UBXN2A: variants seen among roughly 807,000 people sequenced by gnomAD.
The protein encoded by UBXN2A is UBX domain-containing protein 2A.
UBXN2A carries 28 observed loss-of-function variants against 28.4 expected under a neutral mutation model. That is an observed-to-expected ratio of 0.99 (90% confidence interval 0.73 to 1.35). The LOEUF (loss-of-function observed/expected upper bound fraction) is 1.35, where lower values mean the gene tolerates loss of function less well. Among genes scored for constraint, UBXN2A ranks in the 40% most tolerant of loss-of-function variants. The probability of loss-of-function intolerance (pLI) is 0.00; values close to 1 mark genes in which losing one functional copy is unlikely to be tolerated. For missense variants in UBXN2A, 253 were observed against 297.9 expected, an observed-to-expected ratio of 0.85 and a Z score of 1.11; for synonymous variants, 97 against 103.6, an observed-to-expected ratio of 0.94 and a Z score of 0.39.
At position 23,959,446 on chromosome 2, in the gene UBXN2A, C is replaced by T. The variant is rs185796515; in HGVS notation, c.41+1091C>T. Among the ~76,000 whole-genome samples, 557 of 152,092 alleles carry T rather than the reference C, an allele frequency of 3.7e-3. 2 individuals carry two copies. The highest frequency in any genetic ancestry group is 0.01 in the Middle Eastern group (3 of 294). Reference sequence around the variant, plus strand: ...GGTGGAGGTTTCAGTGAGCCAAGACCGCACCACTGCACTCCAGCCTGGGTG... The same window carrying T: ...GGTGGAGGTTTCAGTGAGCCAAGACTGCACCACTGCACTCCAGCCTGGGTG... On this transcript the variant is annotated intron_variant, in intron 2 of 6. Coordinates refer to ENST00000309033, the MANE Select transcript of UBXN2A (RefSeq NM_181713.4).
chr2:23,974,438 C>T (rs935896022), intron 3 of UBXN2A, among the ~76,000 whole-genome samples: 8 of 149,310 alleles, frequency 5.4e-5, no homozygotes, highest in South Asian at 2.1e-4. Flanking sequence ...CTCCGCCTCC[C>T]GGGTTCACAC....
chr2:23,949,244 G>A (rs1706244845), intron 1 of UBXN2A, among the ~76,000 whole-genome samples: 1 of 150,144 alleles, frequency 6.7e-6, no homozygotes, highest in South Asian at 2.1e-4. Flanking sequence ...TTACAGGCAT[G>A]AGCCACCACA....
At chr2:23,943,090 G>A (rs1705852616) in intron 1 of UBXN2A, among the ~76,000 whole-genome samples, 1 of 151,934 alleles carries the variant, frequency 6.6e-6, no homozygotes, top group African/African-American at 2.4e-5. Flanking sequence ...CGAGTAGCTG[G>A]GATTACAGGC....
At chr2:23,938,925 A>G (rs1705620294), upstream of UBXN2A, among the ~76,000 whole-genome samples, 1 of 152,112 alleles carries the variant, frequency 6.6e-6, no homozygotes, top group Non-Finnish European at 1.5e-5. Context: ...TAATGGGATC[A>G]ATTTAACTCC....
chr2:23,958,325 T>C lies in UBXN2A; in HGVS notation c.11T>C (p.Val4Ala). 3 of 1,604,280 alleles carry C rather than the reference T, an allele frequency of 1.9e-6. No homozygotes were observed. The South Asian group carries it at 3.4e-5, about 18-fold the overall frequency. The part of the protein sequence containing the change: MKD[V>A]DNLKSIKEEW... ...GTAAGGCGAAAGAGAATGAAAGACG[T>C]AGATAACCTCAAAAGTATAAAAGAA... is the stretch of plus-strand genomic sequence containing the variant. The change falls in exon 2 of 7, where the codon GTA becomes GCA. Residue 4 changes from valine to alanine, a missense_variant. Val to Ala is a moderately conservative substitution (Grantham distance 64). Coordinates refer to ENST00000309033, the MANE Select transcript of UBXN2A (RefSeq NM_181713.4).
intron 6 of UBXN2A, among the ~76,000 whole-genome samples, chr2:23,991,315 TC>T (rs1310869286): frequency 1.3e-5 from 2 of 152,052 alleles, no homozygotes; most frequent in African/African-American, 4.8e-5. Flanking sequence ...GAAAAGATTT[TC>T]TTCGCCCATT....
rs1371693119 is a variant in UBXN2A, at chr2:23,982,960, A to G, written c.352A>G (p.Lys118Glu). Residue 118 changes from lysine to glutamate, a missense_variant, in exon 5 of 7, where the codon AAG becomes GAG. Transcript: ENST00000309033. The stretch of plus-strand genomic sequence containing the variant: ...AGAGGTGGACGTTAAAGTTGAAGAC[A>G]AGAAAAATGAAATATGTTTGTCTAC... Reference protein sequence around the residue: ...KEEVDVKVEDKKNEICLSTKP... With the variant: ...KEEVDVKVEDEKNEICLSTKP... The G allele has an allele frequency of 2.5e-6, 4 of 1,611,994 alleles. No homozygotes were observed. The highest frequency in any genetic ancestry group is 2.5e-6 in the Non-Finnish European group (3 of 1,178,816).
chr2:23,979,736 T>C (rs1334610942), intron 4 of UBXN2A, among the ~76,000 whole-genome samples: 6 of 151,894 alleles, frequency 4.0e-5, no homozygotes, highest in African/African-American at 1.5e-4. Context: ...GCCCAGCTAA[T>C]TTTTTTTAAT....
At chr2:23,928,395 G>C (rs771104151) in intron 1 of UBXN2A, among the ~76,000 whole-genome samples, 36 of 152,064 alleles carry the variant, frequency 2.4e-4, no homozygotes, top group Non-Finnish European at 4.6e-4. Flanking sequence ...GGCCAACATG[G>C]TGAAACCCCC....
chr2:23,944,114 T>C, intron 1 of UBXN2A: 1 of 766,998 alleles, frequency 1.3e-6, no homozygotes, highest in Non-Finnish European at 2.3e-6. Flanking sequence ...ATGTCAGCCC[T>C]GTTACTCCCA....
At chr2:23,940,141 G>A (rs1174879575), upstream of UBXN2A, among the ~76,000 whole-genome samples, 1 of 151,410 alleles carries the variant, frequency 6.6e-6, no homozygotes, top group Admixed American at 6.6e-5. Context: ...GTGGGTGGGG[G>A]TTTCTTCAAC....
At chr2:23,989,885 A>G (rs1437279691) in intron 6 of UBXN2A, among the ~76,000 whole-genome samples, 1 of 152,136 alleles carries the variant, frequency 6.6e-6, no homozygotes, top group African/African-American at 2.4e-5. Flanking sequence ...AGCCTGGGCA[A>G]TAGAACCAGA....
At chr2:23,973,639 CT>C (rs548688766) in intron 3 of UBXN2A, among the ~76,000 whole-genome samples, 166 of 141,442 alleles carry the variant, frequency 1.2e-3, no homozygotes, top group Admixed American at 1.3e-3. Flanking sequence ...TGTGTCCAGC[CT>C]TTTTTTTTTT....
At chr2:23,940,397 C>A (rs1192049404), upstream of UBXN2A, 9 of 145,130 alleles carry the variant, frequency 6.2e-5, no homozygotes, top group Admixed American at 1.4e-4. Context: ...CGGCAAGCCC[C>A]GCCCTCGGCG....
rs375361926 is a variant in UBXN2A at position 23,963,517 on chromosome 2, A to G, written c.41+5162A>G. On this transcript the variant is annotated intron_variant, in intron 2 of 6. Transcript: ENST00000309033. ...AAGTGGAAAAAAAGTCTGAATAGAC[A>G]TTTCTCCGAATAAGGCATACAACAG... is the stretch of plus-strand genomic sequence containing the variant. Among the ~76,000 whole-genome samples, 54 of 152,120 alleles carry G rather than the reference A, an allele frequency of 3.5e-4. 1 individual carries two copies. The South Asian group carries it at 6.9e-3, about 19-fold the overall frequency.
At chr2:23,996,909 G>A (rs1314428334) in intron 6 of UBXN2A, 1 of 151,986 alleles carries the variant, frequency 6.6e-6, no homozygotes, top group Non-Finnish European at 1.5e-5. Context: ...ACCTGGGCTG[G>A]TTCCCCCCAC....
intron 1 of UBXN2A, among the ~76,000 whole-genome samples, chr2:23,927,862 G>A (rs934090764): frequency 6.6e-6 from 1 of 152,116 alleles, no homozygotes; most frequent in South Asian, 2.1e-4. Flanking sequence ...AAAAAATTAA[G>A]CCACACAATT....
intron 1 of UBXN2A, among the ~76,000 whole-genome samples, chr2:23,948,901 A>G (rs1706223642): frequency 6.6e-6 from 1 of 151,192 alleles, no homozygotes; most frequent in Non-Finnish European, 1.5e-5. Context: ...ATAACCTATT[A>G]CTGGAAACTC....
intron 2 of UBXN2A, among the ~76,000 whole-genome samples, chr2:23,960,049 G>C (rs1240565760): frequency 6.6e-6 from 1 of 151,874 alleles, no homozygotes. Context: ...TCAGGAGATC[G>C]AGACCATCCT....
Sources: allele counts gnomAD v4.1 joint callset (sites outside exome capture counted in the v4.1 genomes callset), GRCh38; gene constraint gnomAD v4.1.1; transcripts MANE v1.5; gene names NCBI Gene and HGNC (gene_info 2026-07-23, HGNC 2026-07-21).